The following NRXN3 variants were observed in gnomAD, a reference collection of about 807,000 sequenced individuals.
NRXN3 encodes the protein neurexin 3, also known as neurexin III.
NRXN3 carries 32 observed loss-of-function variants against 137.6 expected under a neutral mutation model. The ratio of observed to expected loss-of-function variants is 0.23; its 90% CI spans 0.18 to 0.31. The LOEUF (loss-of-function observed/expected upper bound fraction) is 0.31, where lower values mean the gene tolerates loss of function less well. Among genes scored for constraint, NRXN3 ranks in the 10% least tolerant of loss-of-function variants. The pLI, the probability that NRXN3 is intolerant of heterozygous loss-of-function variation, is 1.00. For synonymous variants in NRXN3, 798 were observed against 784.5 expected (o/e 1.02, Z -0.29); for missense variants, 1,574 against 2,062.5 (o/e 0.76, Z 4.59).
intron 10 of NRXN3, among the ~76,000 whole-genome samples, chr14:78,892,321 A>AT (rs1460604538): frequency 6.6e-6 from 1 of 152,000 alleles, no homozygotes; most frequent in Admixed American, 6.6e-5. Flanking sequence ...GAACAGGTAG[A>AT]TTTTGGCTGA....
rs1217868111 is a variant in NRXN3 at position 79,358,559 on chromosome 14, C to CAA, written c.3263-108648_3263-108647dup. Among the ~76,000 whole-genome samples the CAA allele has an allele frequency of 1.6e-3, 101 of 61,796 alleles. 5 individuals are homozygous for CAA. The highest frequency in any genetic ancestry group is 4.1e-3 in the South Asian group (5 of 1,224). 40.5% of individuals were successfully genotyped at this position (61,796 alleles called of 152,430 possible). A position where few individuals can be genotyped will look rare whatever the true frequency, so the allele number is the denominator to read the frequency against. On this transcript the variant is annotated intron_variant, in intron 15 of 20. Transcript: ENST00000335750. ...ACTGCACTCCAGCCTGACTCTGTCT[C>CAA]AAAAAAAAAAAAAAAGAAAGAAAGA...
In NRXN3 at chr14:79,050,609, A is replaced by G. The variant is rs532419047; in HGVS notation, c.3262+62468A>G. Among the ~76,000 whole-genome samples, 6 of 152,336 alleles carry G rather than the reference A, an allele frequency of 3.9e-5. No homozygotes were observed. In the South Asian group the frequency reaches 1.0e-3, roughly 26 times the overall value. Reference sequence around the variant, plus strand: ...GAAATAGCCATAAGGATGTCTGCACAAGAATATCCATGCATTCGTTCTTAG... The same window carrying G: ...GAAATAGCCATAAGGATGTCTGCACGAGAATATCCATGCATTCGTTCTTAG... On this transcript the variant is annotated intron_variant, in intron 15 of 20. Transcript: ENST00000335750.
chr14:78,872,908 TG>T (rs1315363006), intron 10 of NRXN3, among the ~76,000 whole-genome samples: 1 of 152,234 alleles, frequency 6.6e-6, no homozygotes, highest in East Asian at 1.9e-4. Flanking sequence ...TTCGCACTGC[TG>T]TCACAGCCTG....
intron 2 of NRXN3, among the ~76,000 whole-genome samples, chr14:78,271,442 C>T (rs923429316): frequency 1.3e-5 from 2 of 150,818 alleles, no homozygotes; most frequent in African/African-American, 4.9e-5. Flanking sequence ...GGCTACCTTA[C>T]TCCCATGCCT....
chr14:78,306,101 A>G (rs1362959474), intron 4 of NRXN3, among the ~76,000 whole-genome samples: 1 of 152,228 alleles, frequency 6.6e-6, no homozygotes, highest in East Asian at 1.9e-4. Context: ...TGTTAATGTG[A>G]ACAGAAGATT....
intron 10 of NRXN3, among the ~76,000 whole-genome samples, chr14:78,824,228 C>T (rs1388137584): frequency 6.6e-6 from 1 of 151,824 alleles, no homozygotes; most frequent in African/African-American, 2.4e-5. Context: ...TCTACCCTCC[C>T]TGCCCATCAT....
At chr14:78,822,722 A>G (rs944431366) in intron 10 of NRXN3, among the ~76,000 whole-genome samples, 3 of 150,928 alleles carry the variant, frequency 2.0e-5, no homozygotes, top group African/African-American at 7.4e-5. Flanking sequence ...AAAAAAAAAA[A>G]AAGAAAAGAA....
intron 10 of NRXN3, among the ~76,000 whole-genome samples, chr14:78,888,848 T>TACACACACATACACACACACACACACAC (rs138583318): frequency 0.015 from 2,239 of 146,288 alleles, 18 homozygotes; most frequent in Middle Eastern, 0.035. Flanking sequence ...ATCACACACA[T>TACACACACATACACACACACACACACAC]ACACACACAC....
rs541230079 is a variant in NRXN3, at chr14:79,712,981, C to T, written c.4014+15044C>T. On this transcript the variant is annotated intron_variant, in intron 19 of 20. Transcript: ENST00000335750. Reference sequence around the variant, plus strand: ...AAAGTAAAATCATTGAGACATTGCTCATCTGAAGAATGTTTTATTCCATTC... The same window carrying T: ...AAAGTAAAATCATTGAGACATTGCTTATCTGAAGAATGTTTTATTCCATTC... 2.6e-5 allele frequency among the ~76,000 whole-genome samples: 4 copies of T among 152,240 alleles called. No homozygotes were observed. In the East Asian group the frequency reaches 5.8e-4, roughly 22 times the overall value.
chr14:78,334,396 T>G (rs1233759002), intron 4 of NRXN3, among the ~76,000 whole-genome samples: 1 of 152,140 alleles, frequency 6.6e-6, no homozygotes. Flanking sequence ...AGATCAAGCT[T>G]CTAGCCATAG....
chr14:78,286,148 C>A (rs1262705280), intron 3 of NRXN3, among the ~76,000 whole-genome samples: 2 of 152,138 alleles, frequency 1.3e-5, no homozygotes, highest in African/African-American at 4.8e-5. Context: ...AGGGCAAGGC[C>A]AGAGTTTTAG....
intron 10 of NRXN3, among the ~76,000 whole-genome samples, chr14:78,924,255 A>G (rs949852697): frequency 2.0e-5 from 3 of 152,242 alleles, no homozygotes; most frequent in African/African-American, 4.8e-5. Context: ...AAACAAACAA[A>G]AAAACTTTAA....
At chr14:78,426,782 T>C (rs1384597325) in intron 4 of NRXN3, among the ~76,000 whole-genome samples, 1 of 152,136 alleles carries the variant, frequency 6.6e-6, no homozygotes, top group Non-Finnish European at 1.5e-5. Flanking sequence ...TCCTGGGTTT[T>C]CTCAAATTTT....
chr14:78,947,892 A>G (rs1001846242), intron 10 of NRXN3, among the ~76,000 whole-genome samples: 3 of 152,208 alleles, frequency 2.0e-5, no homozygotes, highest in Non-Finnish European at 1.5e-5. Flanking sequence ...CTGTGGAATC[A>G]GAAAGACTGG....
intron 15 of NRXN3, among the ~76,000 whole-genome samples, chr14:79,241,616 T>G (rs978704408): frequency 7.9e-5 from 12 of 152,276 alleles, no homozygotes; most frequent in African/African-American, 2.9e-4. Context: ...ATTATTACAA[T>G]TCAAGGTGAG....
intron 16 of NRXN3, among the ~76,000 whole-genome samples, chr14:79,563,616 T>G (rs2097522431): frequency 6.6e-6 from 1 of 151,582 alleles, no homozygotes; most frequent in Admixed American, 6.6e-5. Flanking sequence ...TTGGTCTCGT[T>G]AAATAAATTC....
chr14:79,215,397 G>A (rs544262888), intron 15 of NRXN3, among the ~76,000 whole-genome samples: 43 of 144,798 alleles, frequency 3.0e-4, no homozygotes, highest in Non-Finnish European at 5.2e-4. Context: ...TGGGGTGTGT[G>A]TGTGTATATA....
intron 4 of NRXN3, chr14:78,526,714 T>G: frequency 1.9e-6 from 1 of 515,164 alleles, no homozygotes; most frequent in South Asian, 1.4e-5. Flanking sequence ...CATTATTATC[T>G]TTGTACAATA....
intron 17 of NRXN3, among the ~76,000 whole-genome samples, chr14:79,689,220 G>A (rs1370930251): frequency 6.6e-6 from 1 of 152,004 alleles, no homozygotes; most frequent in Non-Finnish European, 1.5e-5. Flanking sequence ...TGAAATATAT[G>A]ACTGAATATC....
Sources: allele counts gnomAD v4.1 joint callset (sites outside exome capture counted in the v4.1 genomes callset), GRCh38; gene constraint gnomAD v4.1.1; transcripts MANE v1.5; gene names NCBI Gene and HGNC (gene_info 2026-07-23, HGNC 2026-07-21).